CTNNA3: variants seen among roughly 807,000 people sequenced by gnomAD.
The protein encoded by CTNNA3 is catenin alpha-3.
A neutral mutation model predicts 95.7 loss-of-function variants in CTNNA3; 76 were observed. The observed-to-expected ratio is 0.79, with a 90% CI of 0.66 to 0.96. The LOEUF is 0.96. Ranked by LOEUF, CTNNA3 falls within the 40% of genes least tolerant of loss-of-function variation. CTNNA3 has a pLI of 0.00. For synonymous variants in CTNNA3, 431 were observed against 374.4 expected (o/e 1.15, Z -1.74); for missense variants, 1,191 against 1,089.8 (o/e 1.09, Z -1.31).
intron 5 of CTNNA3, among the ~76,000 whole-genome samples, chr10:67,277,529 T>C (rs1013576768): frequency 3.9e-5 from 6 of 152,078 alleles, no homozygotes; most frequent in African/African-American, 1.4e-4. Flanking sequence ...TCATCTTAAA[T>C]AGGGGCTGGG....
chr10:67,489,788 T>TTATATATATATATATA (rs372899542), intron 5 of CTNNA3, among the ~76,000 whole-genome samples: 5 of 142,464 alleles, frequency 3.5e-5, no homozygotes, highest in African/African-American at 1.4e-4. Context: ...ATACATGATT[T>TTATATATATATATATA]TATATATATA....
chr10:66,037,347 T>C (rs1363322510), intron 15 of CTNNA3, among the ~76,000 whole-genome samples: 1 of 152,200 alleles, frequency 6.6e-6, no homozygotes, highest in Non-Finnish European at 1.5e-5. Flanking sequence ...TTAATTCTGA[T>C]CTCTTACATT....
At chr10:65,950,459 C>A (rs910123416) in intron 17 of CTNNA3, among the ~76,000 whole-genome samples, 2 of 151,988 alleles carry the variant, frequency 1.3e-5, no homozygotes, top group African/African-American at 4.8e-5. Context: ...CAGCTCAACT[C>A]GTGAACATCA....
chr10:66,443,760 A>G (rs1331771148), intron 11 of CTNNA3, among the ~76,000 whole-genome samples: 1 of 152,154 alleles, frequency 6.6e-6, no homozygotes, highest in East Asian at 1.9e-4. Flanking sequence ...TCTAAAAAGC[A>G]GAGCACCTCT....
intron 6 of CTNNA3, among the ~76,000 whole-genome samples, chr10:67,213,828 T>C (rs571579277): frequency 1.3e-5 from 2 of 151,898 alleles, no homozygotes; most frequent in South Asian, 4.1e-4. Flanking sequence ...CAGTATGCTG[T>C]CAATTTTTGT....
At chr10:67,453,074 G>A in intron 5 of CTNNA3, among the ~76,000 whole-genome samples, 1 of 152,078 alleles carries the variant, frequency 6.6e-6, no homozygotes. Context: ...AGAGACGGAG[G>A]CAGCCAGTTA....
At chr10:66,338,233 G>T (rs2092417033) in intron 12 of CTNNA3, among the ~76,000 whole-genome samples, 2 of 151,928 alleles carry the variant, frequency 1.3e-5, no homozygotes, top group African/African-American at 4.8e-5. Context: ...GATTATATAA[G>T]ATGTCATAGA....
chr10:66,703,078 A>G (rs1848007225), intron 9 of CTNNA3, among the ~76,000 whole-genome samples: 2 of 152,090 alleles, frequency 1.3e-5, no homozygotes. Flanking sequence ...CTCTGAAATT[A>G]TATTTTTTGT....
chr10:67,253,204 TAAGTGACTA>T (rs1866178789), intron 5 of CTNNA3, among the ~76,000 whole-genome samples: 1 of 152,156 alleles, frequency 6.6e-6, no homozygotes, highest in Non-Finnish European at 1.5e-5. Context: ...AGAGGGCTAC[TAAGTGACTA>T]ACGGGCAAGT....
At position 66,581,923 on chromosome 10, in the gene CTNNA3, T is replaced by A. The variant is rs540586152; in HGVS notation, c.1374+39769A>T. Among the ~76,000 whole-genome samples, 3 of 151,878 alleles carry A rather than the reference T, an allele frequency of 2.0e-5. No homozygotes were observed. The South Asian group carries it at 6.2e-4, about 31-fold the overall frequency. On this transcript the variant is annotated intron_variant, in intron 10 of 17. Transcript: ENST00000433211. ...TTGAACAGAATGTCCTTTCCCCGATTTATGTTTTTGTATGTTTTATCAAAG... is the reference window on the plus strand; with the variant it reads ...TTGAACAGAATGTCCTTTCCCCGATATATGTTTTTGTATGTTTTATCAAAG...
chr10:66,291,272 C>A (rs1046861814), intron 12 of CTNNA3, among the ~76,000 whole-genome samples: 1 of 152,096 alleles, frequency 6.6e-6, no homozygotes, highest in Non-Finnish European at 1.5e-5. Flanking sequence ...ATTCATTGCT[C>A]GGTAAACTTT....
intron 12 of CTNNA3, among the ~76,000 whole-genome samples, chr10:66,354,637 C>A (rs2092595256): frequency 1.3e-5 from 2 of 152,006 alleles, no homozygotes; most frequent in African/African-American, 4.8e-5. Flanking sequence ...ATCCTCTTCA[C>A]TTGGGTAACG....
At chr10:66,022,102 C>A (rs2079231342) in intron 15 of CTNNA3, among the ~76,000 whole-genome samples, 1 of 152,038 alleles carries the variant, frequency 6.6e-6, no homozygotes, top group Admixed American at 6.6e-5. Flanking sequence ...AAACAATCTT[C>A]CTGTCTCAGC....
rs577526716 is a variant in CTNNA3, at chr10:66,034,865, C to T, written c.2159+34443G>A. ...TACCTGCAAATCAGTAAGTGTTGTG[C>T]TTTCCATAAACATTTAATTATATGT... On this transcript the variant is annotated intron_variant, in intron 15 of 17. Coordinates refer to ENST00000433211, the MANE Select transcript of CTNNA3 (RefSeq NM_013266.4). 6.6e-4 allele frequency among the ~76,000 whole-genome samples: 100 copies of T among 151,990 alleles called. 2 individuals are homozygous for T. In the South Asian group the frequency reaches 0.019, roughly 29 times the overall value.
intron 7 of CTNNA3, among the ~76,000 whole-genome samples, chr10:67,072,683 T>C (rs1000974532): frequency 1.3e-5 from 2 of 152,196 alleles, no homozygotes; most frequent in Non-Finnish European, 2.9e-5. Flanking sequence ...GAAAGCCTGG[T>C]ATATCTTTAT....
rs375417484 is a variant in CTNNA3, at chr10:67,648,432, A to G, written c.-5-914T>C. On this transcript the variant is annotated intron_variant, in intron 1 of 17. Coordinates refer to ENST00000433211, the MANE Select transcript of CTNNA3 (RefSeq NM_013266.4). The stretch of plus-strand genomic sequence containing the variant: ...ACTTCCTGAAATGTAGCACATTTCT[A>G]GATAGTTCTCTTTCTCTTATTGAAA... Among the ~76,000 whole-genome samples, 10 of 152,326 alleles carry G rather than the reference A, an allele frequency of 6.6e-5. No individual in the cohort carries two copies. The East Asian group carries it at 1.2e-3, about 18-fold the overall frequency.
chr10:66,553,816 T>C (rs561860266), intron 10 of CTNNA3, among the ~76,000 whole-genome samples: 3 of 152,164 alleles, frequency 2.0e-5, no homozygotes, highest in South Asian at 4.2e-4. Context: ...CGTGAGCCAC[T>C]GCGCCCGGCC....
intron 4 of CTNNA3, among the ~76,000 whole-genome samples, chr10:67,522,924 A>G (rs1178349367): frequency 6.6e-6 from 1 of 152,176 alleles, no homozygotes; most frequent in Non-Finnish European, 1.5e-5. Flanking sequence ...ACAGATTTCT[A>G]CAGATAGAGA....
intron 7 of CTNNA3, among the ~76,000 whole-genome samples, chr10:66,842,865 G>A (rs1031827441): frequency 6.6e-6 from 1 of 152,082 alleles, no homozygotes; most frequent in African/African-American, 2.4e-5. Flanking sequence ...ATGGCTCCCT[G>A]AGCACTGCCT....
Sources: gnomAD v4.1 joint callset for allele counts (sites outside exome capture counted in the v4.1 genomes callset) on GRCh38, gnomAD v4.1.1 for gene constraint, MANE v1.5 for transcripts, NCBI Gene and HGNC (gene_info 2026-07-23, HGNC 2026-07-21) for gene names.